CERS6: variants seen among roughly 807,000 people sequenced by gnomAD.
CERS6 encodes LAG1 homolog, ceramide synthase 6.
CERS6 carries 26 observed loss-of-function variants against 56.8 expected under a neutral mutation model. The ratio of observed to expected loss-of-function variants is 0.46; its 90% CI spans 0.34 to 0.63. CERS6 has a LOEUF of 0.63. CERS6 is among the 30% of genes least tolerant of loss of function. The pLI, the probability that CERS6 is intolerant of heterozygous loss-of-function variation, is 0.01. For synonymous variants in CERS6, 164 were observed against 173.3 expected (o/e 0.95, Z 0.42); for missense variants, 415 against 467.5 (o/e 0.89, Z 1.04).
chr2:168,456,316 G>GGCGGCGGCGGGCGGGAGCA lies in CERS6; in HGVS notation c.-122_-104dup, dbSNP rs986491717. On this transcript the variant is annotated 5_prime_UTR_variant, in exon 1 of 10. Transcript: ENST00000305747. The surrounding 1 kb of genome is among the most constrained non-coding windows in gnomAD (Gnocchi z 4.1). Reference sequence around the variant, plus strand: ...CGAGAGCAGCGGCCGCGGAGGAGGCGGCGGCGGCGGGCGGGAGCAGCGGCG... The same window carrying GGCGGCGGCGGGCGGGAGCA: ...CGAGAGCAGCGGCCGCGGAGGAGGCGGCGGCGGCGGGCGGGAGCAGCGGCGGCGGGCGGGAGCAGCGGCG... 31 of 384,316 alleles carry GGCGGCGGCGGGCGGGAGCA rather than the reference G, an allele frequency of 8.1e-5. No homozygotes were observed. Among genetic ancestry groups the GGCGGCGGCGGGCGGGAGCA allele is most frequent in the South Asian group, 1.0e-4 (1 of 9,598 alleles). 23.8% of individuals were successfully genotyped at this position (384,316 alleles called of 1,614,324 possible).
chr2:168,557,383 A>G (rs1220307995), intron 2 of CERS6, among the ~76,000 whole-genome samples: 1 of 152,224 alleles, frequency 6.6e-6, no homozygotes, highest in Non-Finnish European at 1.5e-5. Flanking sequence ...TCTTGAAAAT[A>G]CTAACAGGGT....
At chr2:168,528,771 A>T (rs7586269) in intron 1 of CERS6, among the ~76,000 whole-genome samples, 151,528 of 152,378 alleles carry the variant, frequency 0.99, 75,343 homozygotes, top group East Asian at 1. Context: ...TGTTCTAGCA[A>T]CAGCTTTTCT....
Position 168,620,014 on chromosome 2 carries a change from T to TACACACACACACAC in CERS6, c.408-10935_408-10922dup, listed in dbSNP as rs1160024194. ...GCATTTGGGCTGGTTCCACAATCCA[T>TACACACACACACAC]ACACACACACACACACACACACACA... On this transcript the variant is annotated intron_variant, in intron 3 of 9. Transcript: ENST00000305747. Among the ~76,000 whole-genome samples, 70 of 61,254 alleles carry TACACACACACACAC rather than the reference T, an allele frequency of 1.1e-3. 2 individuals carry two copies. Among genetic ancestry groups the TACACACACACACAC allele is most frequent in the African/African-American group, 2.6e-3 (61 of 23,080 alleles). 40.2% of individuals were successfully genotyped at this position (61,254 alleles called of 152,430 possible).
At chr2:168,591,132 CCT>C (rs1265138782) in intron 3 of CERS6, among the ~76,000 whole-genome samples, 1 of 152,154 alleles carries the variant, frequency 6.6e-6, no homozygotes, top group Non-Finnish European at 1.5e-5. Context: ...GCTGTAAACA[CCT>C]CTGTGTATAT....
At chr2:168,584,416 A>T (rs1683492516) in intron 3 of CERS6, among the ~76,000 whole-genome samples, 1 of 152,212 alleles carries the variant, frequency 6.6e-6, no homozygotes, top group South Asian at 2.1e-4. Context: ...TTTGTGTAAT[A>T]TGTGTGAGAG....
At chr2:168,468,878 C>T (rs951923062) in intron 1 of CERS6, among the ~76,000 whole-genome samples, 13 of 107,358 alleles carry the variant, frequency 1.2e-4, no homozygotes, top group African/African-American at 3.9e-4. Context: ...GGGGCTTTGT[C>T]CACTTCACAC....
intron 8 of CERS6, among the ~76,000 whole-genome samples, chr2:168,758,896 G>A (rs905264706): frequency 9.2e-5 from 14 of 152,048 alleles, no homozygotes; most frequent in African/African-American, 1.4e-4. Context: ...CTTAGAATGC[G>A]AATCGGTACG....
Position 168,547,630 on chromosome 2 carries a change from A to G in CERS6, c.205A>G (p.Ile69Val), listed in dbSNP as rs775014368. The G allele has an allele frequency of 1.2e-5, 20 of 1,614,056 alleles. No homozygotes were observed. The South Asian group carries it at 2.0e-4, about 16-fold the overall frequency. Reference protein sequence around the residue: ...VAKPCAIALNIQANGPQIAPP... With the variant: ...VAKPCAIALNVQANGPQIAPP... ...CAAACCGTGCGCCATAGCCCTCAAC[A>G]TTCAGGCCAATGGACCACAAATTGC... The change falls in exon 2 of 10, where the codon ATT (isoleucine) becomes GTT (valine). Residue 69 changes from isoleucine (I) to valine (V), a missense_variant. Physicochemically the swap from Ile to Val is conservative, Grantham distance 29. Coordinates refer to ENST00000305747, the MANE Select transcript of CERS6 (RefSeq NM_203463.3).
At chr2:168,646,482 A>T (rs1301396080) in intron 4 of CERS6, among the ~76,000 whole-genome samples, 1 of 151,982 alleles carries the variant, frequency 6.6e-6, no homozygotes, top group Non-Finnish European at 1.5e-5. Context: ...CTCCCATTCT[A>T]TAGGTTGTTT....
intron 3 of CERS6, among the ~76,000 whole-genome samples, chr2:168,615,155 C>G (rs1684285383): frequency 6.6e-6 from 1 of 152,052 alleles, no homozygotes; most frequent in Non-Finnish European, 1.5e-5. Context: ...AGCCACATCC[C>G]TAGGAAAAGA....
At position 168,662,160 on chromosome 2, in the gene CERS6, C is replaced by G. The variant is rs184495735; in HGVS notation, c.466-28874C>G. Among the ~76,000 whole-genome samples, 520 of 142,254 alleles carry G rather than the reference C, an allele frequency of 3.7e-3. 7 individuals carry two copies. Among genetic ancestry groups the G allele is most frequent in the African/African-American group, 0.013 (497 of 38,372 alleles). 93.3% of individuals were successfully genotyped at this position (142,254 alleles called of 152,430 possible). A position where few individuals can be genotyped will look rare whatever the true frequency, so the allele number is the denominator to read the frequency against. The stretch of plus-strand genomic sequence containing the variant: ...TTTTTTTTCAAATTCTGTACAATTT[C>G]CCATTCCTATAAACCTGGCATTTGT... On this transcript the variant is annotated intron_variant, in intron 4 of 9. Transcript: ENST00000305747.
intron 4 of CERS6, among the ~76,000 whole-genome samples, chr2:168,676,244 T>C (rs1686056224): frequency 6.6e-6 from 1 of 152,228 alleles, no homozygotes; most frequent in African/African-American, 2.4e-5. Context: ...GCAGTCTTTT[T>C]TTAATGTCAG....
At chr2:168,706,067 T>A (rs1416440178) in intron 6 of CERS6, among the ~76,000 whole-genome samples, 1 of 152,162 alleles carries the variant, frequency 6.6e-6, no homozygotes, top group African/African-American at 2.4e-5. Flanking sequence ...GATAGAGAGC[T>A]TCTGAGGATC....
chr2:168,692,142 G>A (rs1686521294), intron 5 of CERS6, among the ~76,000 whole-genome samples: 1 of 152,110 alleles, frequency 6.6e-6, no homozygotes, highest in Non-Finnish European at 1.5e-5. Context: ...CTATAAATAA[G>A]CAATAGAACA....
chr2:168,513,706 T>C (rs1286865757), intron 1 of CERS6, among the ~76,000 whole-genome samples: 1 of 152,208 alleles, frequency 6.6e-6, no homozygotes, highest in Admixed American at 6.5e-5. Flanking sequence ...CCGCCTCCCT[T>C]TCCATACTAC....
At chr2:168,641,124 A>G (rs1169975169) in intron 4 of CERS6, among the ~76,000 whole-genome samples, 1 of 152,000 alleles carries the variant, frequency 6.6e-6, no homozygotes, top group Non-Finnish European at 1.5e-5. Context: ...CTATTCCTTC[A>G]TTACCATTTA....
intron 3 of CERS6, among the ~76,000 whole-genome samples, chr2:168,599,609 T>G (rs934195667): frequency 2.0e-5 from 3 of 152,238 alleles, no homozygotes; most frequent in Non-Finnish European, 4.4e-5. Flanking sequence ...TCTTGAGAGA[T>G]AACTTCAGGA....
rs115683823 is a variant in CERS6, at chr2:168,481,820, C to G, written c.170+25202C>G. Among the ~76,000 whole-genome samples, 702 of 152,290 alleles carry G rather than the reference C, an allele frequency of 4.6e-3. 4 individuals carry two copies. Among genetic ancestry groups the G allele is most frequent in the African/African-American group, 0.016 (645 of 41,558 alleles). ...ATCATTCCTATGTAAATATGAACATCTATTATCCTCTTGTGTCTTGATGAA... is the reference window on the plus strand; with the variant it reads ...ATCATTCCTATGTAAATATGAACATGTATTATCCTCTTGTGTCTTGATGAA... On this transcript the variant is annotated intron_variant, in intron 1 of 9. Transcript: ENST00000305747.
intron 1 of CERS6, among the ~76,000 whole-genome samples, chr2:168,507,390 C>T (rs1283352352): frequency 1.3e-5 from 2 of 152,014 alleles, no homozygotes; most frequent in Non-Finnish European, 2.9e-5. Flanking sequence ...TCTTTTGTAT[C>T]CTTGACAGTT....
Sources: gnomAD v4.1 joint callset for allele counts (sites outside exome capture counted in the v4.1 genomes callset) on GRCh38, gnomAD v4.1.1 for gene constraint, Gnocchi (gnomAD v3.1) non-coding constraint, MANE v1.5 for transcripts, NCBI Gene and HGNC (gene_info 2026-07-23, HGNC 2026-07-21) for gene names.